The following PRKG1 variants were observed in gnomAD, a reference collection of about 807,000 sequenced individuals.
The protein encoded by PRKG1 is protein kinase cGMP-dependent 1.
Under a neutral mutation model 88.1 loss-of-function variants are expected in PRKG1, and 35 were observed. That is an observed-to-expected ratio of 0.40 (90% confidence interval 0.30 to 0.53). PRKG1 has a LOEUF of 0.53. PRKG1 is among the 20% of genes least tolerant of loss of function. The pLI is 0.59. For missense variants in PRKG1, 540 were observed against 839.8 expected (o/e 0.64, Z 4.41); for synonymous variants, 303 against 292.5 (o/e 1.04, Z -0.37).
chr10:51,626,998 G>C (rs1037663589), intron 3 of PRKG1, among the ~76,000 whole-genome samples: 26 of 152,106 alleles, frequency 1.7e-4, no homozygotes, highest in African/African-American at 6.0e-4. Context: ...ATGGAAATGA[G>C]AGACATAATC....
intron 3 of PRKG1, among the ~76,000 whole-genome samples, chr10:51,741,929 G>A (rs1205166745): frequency 6.6e-6 from 1 of 152,194 alleles, no homozygotes; most frequent in Admixed American, 6.5e-5. Flanking sequence ...AGCTGTAACT[G>A]GTTGTCAAAG....
intron 4 of PRKG1, among the ~76,000 whole-genome samples, chr10:51,828,870 T>C (rs1251443046): frequency 6.6e-6 from 1 of 152,230 alleles, no homozygotes; most frequent in East Asian, 1.9e-4. Flanking sequence ...AGAGACATAA[T>C]ATCCACATCA....
chr10:51,737,709 A>G (rs572960304), intron 3 of PRKG1, among the ~76,000 whole-genome samples: 4 of 111,888 alleles, frequency 3.6e-5, no homozygotes, highest in African/African-American at 1.2e-4. Flanking sequence ...CTATATTTTT[A>G]TTTATTTATT....
intron 3 of PRKG1, among the ~76,000 whole-genome samples, chr10:51,746,119 C>A (rs1338522343): frequency 6.6e-6 from 1 of 152,070 alleles, no homozygotes; most frequent in East Asian, 1.9e-4. Context: ...AAAGTGCTGG[C>A]ATTACAGGCA....
At chr10:51,113,303 G>A (rs1446639713) in intron 1 of PRKG1, among the ~76,000 whole-genome samples, 6 of 152,186 alleles carry the variant, frequency 3.9e-5, no homozygotes, top group Non-Finnish European at 7.3e-5. Flanking sequence ...CTTCAATCAT[G>A]CCAATGCAGT....
chr10:52,137,319 T>C (rs1837455345), intron 8 of PRKG1, among the ~76,000 whole-genome samples: 1 of 152,068 alleles, frequency 6.6e-6, no homozygotes, highest in African/African-American at 2.4e-5. Flanking sequence ...CTACTTATTA[T>C]CTTAATAAGT....
chr10:51,926,132 T>A (rs756370123), intron 5 of PRKG1, among the ~76,000 whole-genome samples: 1 of 152,136 alleles, frequency 6.6e-6, no homozygotes, highest in Non-Finnish European at 1.5e-5. Flanking sequence ...ATATTAGAAA[T>A]TATTTCTGTA....
At chr10:51,200,956 A>C (rs1159405064) in intron 2 of PRKG1, among the ~76,000 whole-genome samples, 2 of 152,172 alleles carry the variant, frequency 1.3e-5, no homozygotes, top group African/African-American at 4.8e-5. Flanking sequence ...CTTTCTGTAA[A>C]TATTTATTGC....
At chr10:51,142,937 C>A (rs1181891053) in intron 1 of PRKG1, among the ~76,000 whole-genome samples, 2 of 152,028 alleles carry the variant, frequency 1.3e-5, no homozygotes, top group Non-Finnish European at 2.9e-5. Context: ...GTTAAATCTA[C>A]CTAATTAACA....
At chr10:51,619,681 A>G (rs1839157437) in intron 3 of PRKG1, among the ~76,000 whole-genome samples, 4 of 152,204 alleles carry the variant, frequency 2.6e-5, no homozygotes, top group Admixed American at 2.6e-4. Context: ...CCTTCTGTGC[A>G]AGAGAAAGAA....
intron 8 of PRKG1, among the ~76,000 whole-genome samples, chr10:52,155,690 G>A (rs1028216553): frequency 2.0e-5 from 3 of 149,856 alleles, no homozygotes; most frequent in African/African-American, 7.3e-5. Context: ...TTATCCCTTA[G>A]AGTTCTTTGG....
chr10:51,748,330 G>A (rs559511477), intron 3 of PRKG1, among the ~76,000 whole-genome samples: 1 of 152,306 alleles, frequency 6.6e-6, no homozygotes, highest in African/African-American at 2.4e-5. Flanking sequence ...TTGGCCTGTT[G>A]TGTAGGCCTG....
At chr10:52,125,597 G>A (rs1322328985) in intron 7 of PRKG1, 1 of 152,094 alleles carries the variant, frequency 6.6e-6, no homozygotes, top group African/African-American at 2.4e-5. Context: ...GTTTCTGTTT[G>A]TGTCTTCCAC....
At chr10:51,032,775 A>G (rs1207371861) in intron 1 of PRKG1, among the ~76,000 whole-genome samples, 2 of 151,936 alleles carry the variant, frequency 1.3e-5, no homozygotes, top group Non-Finnish European at 2.9e-5. Flanking sequence ...ACAAACAAAT[A>G]TTATTTTGGG....
intron 2 of PRKG1, among the ~76,000 whole-genome samples, chr10:51,354,631 C>T (rs143139162): frequency 1.3e-5 from 2 of 152,182 alleles, no homozygotes; most frequent in African/African-American, 4.8e-5. Context: ...CTGTTTCCAA[C>T]TGGATAGATG....
chr10:51,342,220 A>T (rs1842018408), intron 2 of PRKG1, among the ~76,000 whole-genome samples: 1 of 152,198 alleles, frequency 6.6e-6, no homozygotes, highest in Non-Finnish European at 1.5e-5. Flanking sequence ...TTGTAGGATA[A>T]GTAATAGGAG....
At chr10:51,151,571 T>G (rs1589196885) in intron 1 of PRKG1, among the ~76,000 whole-genome samples, 1 of 25,144 alleles carries the variant, frequency 4.0e-5, no homozygotes, top group Non-Finnish European at 7.5e-5. Context: ...TTGTTTTTGT[T>G]TTTTTTTTTT....
intron 9 of PRKG1, among the ~76,000 whole-genome samples, chr10:52,220,319 C>A (rs1338390179): frequency 2.6e-5 from 4 of 152,104 alleles, no homozygotes; most frequent in Admixed American, 2.6e-4. Flanking sequence ...CTTCTCCTAA[C>A]AACTAGCACC....
intron 2 of PRKG1, among the ~76,000 whole-genome samples, chr10:51,374,805 C>T (rs1263437625): frequency 2.0e-5 from 3 of 152,152 alleles, no homozygotes; most frequent in Non-Finnish European, 4.4e-5. Flanking sequence ...ATGAGACAGA[C>T]TAAGGAGAAA....
Sources: allele counts gnomAD v4.1 joint callset (sites outside exome capture counted in the v4.1 genomes callset), GRCh38; gene constraint gnomAD v4.1.1; transcripts MANE v1.5; gene names NCBI Gene and HGNC (gene_info 2026-07-23, HGNC 2026-07-21).